Variants in FGD4 observed in about 807,000 individuals in gnomAD.
FGD4 encodes the protein FYVE, RhoGEF and PH domain-containing protein 4.
FGD4 carries 42 observed loss-of-function variants against 102.0 expected under a neutral mutation model. The observed-to-expected ratio is 0.41, with a 90% CI of 0.32 to 0.53. The LOEUF is 0.53. Among genes scored for constraint, FGD4 ranks in the 20% least tolerant of loss-of-function variants. The pLI is 0.21. For synonymous variants in FGD4, 380 were observed against 375.7 expected (o/e 1.01, Z -0.13); for missense variants, 902 against 1,078.2 (o/e 0.84, Z 2.29).
At chr12:32,495,391 C>T (rs1053178749) in intron 1 of FGD4, among the ~76,000 whole-genome samples, 1 of 152,134 alleles carries the variant, frequency 6.6e-6, no homozygotes, top group African/African-American at 2.4e-5. Context: ...TGAGGTAAAA[C>T]TTGCAGGGCA....
chr12:32,462,696 CT>C (rs1173777973), intron 1 of FGD4, among the ~76,000 whole-genome samples: 1 of 152,136 alleles, frequency 6.6e-6, no homozygotes, highest in Non-Finnish European at 1.5e-5. Context: ...ACCTTCCAGG[CT>C]GGCAATATCC....
Position 32,442,118 on chromosome 12 carries a change from A to G in FGD4, c.166+42159A>G, listed in dbSNP as rs191248902. On this transcript the variant is annotated intron_variant, in intron 1 of 16. Coordinates refer to ENST00000534526, the MANE Select transcript of FGD4 (RefSeq NM_001370298.3). ...ACCCAGGCTGGAGTGCAGTGGTGCA[A>G]TCTCGGCTCACTGCAACCTCCGCCT... Among the ~76,000 whole-genome samples, 50 of 150,752 alleles carry G rather than the reference A, an allele frequency of 3.3e-4. 1 individual carries two copies. The East Asian group carries it at 9.7e-3, about 29-fold the overall frequency.
intron 1 of FGD4, among the ~76,000 whole-genome samples, chr12:32,483,987 C>G (rs1943826775): frequency 6.6e-6 from 1 of 152,052 alleles, no homozygotes. Context: ...GTTACTAGCT[C>G]TCAAAATCAC....
chr12:32,523,404 T>C (rs1940754179), intron 1 of FGD4, among the ~76,000 whole-genome samples: 1 of 152,238 alleles, frequency 6.6e-6, no homozygotes, highest in African/African-American at 2.4e-5. Context: ...TAGAATTTTT[T>C]CATCCTTCCC....
At chr12:32,401,538 G>A (rs1224794113) in intron 1 of FGD4, among the ~76,000 whole-genome samples, 1 of 152,112 alleles carries the variant, frequency 6.6e-6, no homozygotes, top group Admixed American at 6.6e-5. Context: ...TGGGATTACA[G>A]ATGTGAGCCA....
chr12:32,456,566 C>G (rs540980221), intron 1 of FGD4, among the ~76,000 whole-genome samples: 1 of 152,184 alleles, frequency 6.6e-6, no homozygotes, highest in African/African-American at 2.4e-5. Context: ...GAGGATTTAT[C>G]CATAATCTTA....
chr12:32,628,441 G>T (rs768737750), intron 14 of FGD4, among the ~76,000 whole-genome samples: 16 of 152,066 alleles, frequency 1.1e-4, no homozygotes, highest in Non-Finnish European at 2.2e-4. Context: ...AGAGTGAAAG[G>T]TCCAAAGGTC....
At chr12:32,623,121 A>T (rs1331036579) in intron 11 of FGD4, among the ~76,000 whole-genome samples, 1 of 152,202 alleles carries the variant, frequency 6.6e-6, no homozygotes, top group East Asian at 1.9e-4. Context: ...AAAAAGATAA[A>T]AAGTATTCTG....
intron 8 of FGD4, among the ~76,000 whole-genome samples, chr12:32,610,452 G>C (rs1334125515): frequency 1.3e-5 from 2 of 152,184 alleles, no homozygotes; most frequent in Non-Finnish European, 2.9e-5. Context: ...AAAATAAGTT[G>C]GGCTGGGGCC....
intron 1 of FGD4, among the ~76,000 whole-genome samples, chr12:32,461,212 A>T (rs1943096824): frequency 6.6e-6 from 1 of 152,234 alleles, no homozygotes; most frequent in Non-Finnish European, 1.5e-5. Context: ...TTAAATTAAG[A>T]TAACGCACAA....
intron 1 of FGD4, among the ~76,000 whole-genome samples, chr12:32,406,529 G>C (rs2136385940): frequency 6.6e-6 from 1 of 151,714 alleles, no homozygotes; most frequent in Admixed American, 6.6e-5. Context: ...ACTCCAGCCT[G>C]GGTGACAGAG....
intron 1 of FGD4, among the ~76,000 whole-genome samples, chr12:32,454,155 G>A (rs1374886795): frequency 6.6e-6 from 1 of 152,102 alleles, no homozygotes; most frequent in Non-Finnish European, 1.5e-5. Context: ...CACTGATAAC[G>A]AGACATGAGA....
At chr12:32,466,620 C>T (rs1290879088) in intron 1 of FGD4, among the ~76,000 whole-genome samples, 1 of 152,034 alleles carries the variant, frequency 6.6e-6, no homozygotes, top group Non-Finnish European at 1.5e-5. Flanking sequence ...GAAATTCTAG[C>T]ACTTTGGGAG....
intron 1 of FGD4, among the ~76,000 whole-genome samples, chr12:32,409,717 G>T (rs368565656): frequency 6.6e-6 from 1 of 152,118 alleles, no homozygotes; most frequent in African/African-American, 2.4e-5. Context: ...CTTAGTGATT[G>T]ATTGTTGGTT....
At chr12:32,441,385 T>A (rs1942430191) in intron 1 of FGD4, among the ~76,000 whole-genome samples, 1 of 152,022 alleles carries the variant, frequency 6.6e-6, no homozygotes, top group South Asian at 2.1e-4. Context: ...GACTGGGTCC[T>A]TTCCTTCAAG....
intron 1 of FGD4, among the ~76,000 whole-genome samples, chr12:32,497,960 A>C (rs1489697285): frequency 6.6e-6 from 1 of 152,122 alleles, no homozygotes; most frequent in Non-Finnish European, 1.5e-5. Context: ...TATTCTCATA[A>C]TTTTAGAGCT....
chr12:32,588,464 G>A (rs1001789592), intron 4 of FGD4, among the ~76,000 whole-genome samples: 3 of 152,190 alleles, frequency 2.0e-5, no homozygotes, highest in Non-Finnish European at 2.9e-5. Context: ...TAGCAGAAAC[G>A]GAGAAGTCAT....
rs1951166480 is a variant in FGD4 at position 32,641,743 on chromosome 12, TG to T, written c.*1213del. 1 of 152,152 alleles carries T rather than the reference TG, an allele frequency of 6.6e-6. No individual in the cohort carries two copies. 9.4% of individuals were successfully genotyped at this position (152,152 alleles called of 1,614,324 possible). A position where few individuals can be genotyped will look rare whatever the true frequency, so the allele number is the denominator to read the frequency against. On this transcript the variant is annotated 3_prime_UTR_variant, in exon 17 of 17. Coordinates refer to ENST00000534526, the MANE Select transcript of FGD4 (RefSeq NM_001370298.3). ...ATAATGAACACTTAAGATAACTGTA[TG>T]GGCCTTTTCCTTTGTCGGAATGAAA...
chr12:32,613,315 G>A (rs1217989651), intron 10 of FGD4, among the ~76,000 whole-genome samples: 1 of 152,108 alleles, frequency 6.6e-6, no homozygotes, highest in Non-Finnish European at 1.5e-5. Flanking sequence ...CAGTACAAGG[G>A]GTCTTGAAAA....
Sources: allele counts gnomAD v4.1 joint callset (sites outside exome capture counted in the v4.1 genomes callset), GRCh38; gene constraint gnomAD v4.1.1; transcripts MANE v1.5; gene names NCBI Gene and HGNC (gene_info 2026-07-23, HGNC 2026-07-21).